The following BMERB1 variants were observed in gnomAD, a reference collection of about 807,000 sequenced individuals.
BMERB1 encodes the protein bMERB domain containing 1, also known as bMERB domain-containing protein 1.
Under a neutral mutation model 23.6 loss-of-function variants are expected in BMERB1, and 12 were observed. That is an observed-to-expected ratio of 0.51 (90% CI 0.33 to 0.82). The LOEUF is 0.82. Among genes scored for constraint, BMERB1 ranks in the 40% least tolerant of loss-of-function variants. The pLI is 0.03. For missense variants in BMERB1, 247 were observed against 255.4 expected (o/e 0.97, Z 0.22); for synonymous variants, 122 against 96.6 (o/e 1.26, Z -1.54).
chr16:15,513,954 TATATTCATATATGTATATACACACAC>T (rs1228057866), intron 1 of BMERB1, among the ~76,000 whole-genome samples: 1 of 152,148 alleles, frequency 6.6e-6, no homozygotes, highest in Non-Finnish European at 1.5e-5. Flanking sequence ...AAAAACCACA[TATATTCATATATGTATATACACACAC>T]ATATTTATAT....
intron 1 of BMERB1, among the ~76,000 whole-genome samples, chr16:15,495,996 G>A (rs2051468414): frequency 6.6e-6 from 1 of 151,772 alleles, no homozygotes; most frequent in Non-Finnish European, 1.5e-5. Flanking sequence ...TGATGTTGAT[G>A]GTGGTGGTGG....
chr16:15,583,254 A>T lies in BMERB1; in HGVS notation c.502+16A>T. 1 of 1,555,270 alleles carries T rather than the reference A, an allele frequency of 6.4e-7. No individual in the cohort carries two copies. The highest frequency in any genetic ancestry group is 8.9e-7 in the Non-Finnish European group (1 of 1,126,684). On this transcript the variant is annotated intron_variant, in intron 5 of 5. Coordinates refer to ENST00000300006, the MANE Select transcript of BMERB1 (RefSeq NM_033201.3). ...TCTCCAGCCAGTGAGTATATACATT[A>T]TTCATTCCCCTCCCCCACAAAAGAG...
chr16:15,514,365 G>A (rs2051718279), intron 1 of BMERB1, among the ~76,000 whole-genome samples: 1 of 152,158 alleles, frequency 6.6e-6, no homozygotes, highest in Non-Finnish European at 1.5e-5. Context: ...GCTGGTCTTA[G>A]AGGCTTAGAC....
At chr16:15,488,220 T>C (rs2150937969) in intron 1 of BMERB1, among the ~76,000 whole-genome samples, 1 of 152,324 alleles carries the variant, frequency 6.6e-6, no homozygotes, top group South Asian at 2.1e-4. Flanking sequence ...TGTGTTCTAA[T>C]AAAGCTTTAT....
chr16:15,503,489 G>A (rs1295540238), intron 1 of BMERB1, among the ~76,000 whole-genome samples: 3 of 148,894 alleles, frequency 2.0e-5, no homozygotes, highest in Non-Finnish European at 3.0e-5. Context: ...TAGTAGAGAC[G>A]GCGTTTCACC....
chr16:15,489,697 G>T (rs923747110), intron 1 of BMERB1, among the ~76,000 whole-genome samples: 1 of 152,092 alleles, frequency 6.6e-6, no homozygotes, highest in Non-Finnish European at 1.5e-5. Flanking sequence ...ATGACTCATG[G>T]TGGAGTTTTC....
At chr16:15,456,870 G>A (rs1271991352) in intron 1 of BMERB1, among the ~76,000 whole-genome samples, 3 of 152,024 alleles carry the variant, frequency 2.0e-5, no homozygotes, top group Non-Finnish European at 4.4e-5. Flanking sequence ...CTTTCGCCCA[G>A]GTTGGAGTGC....
intron 5 of BMERB1, among the ~76,000 whole-genome samples, chr16:15,583,633 C>A (rs778862282): frequency 6.7e-6 from 1 of 148,952 alleles, no homozygotes; most frequent in Non-Finnish European, 1.5e-5. Flanking sequence ...CCATAAGGGG[C>A]GCAACAAAAT....
At chr16:15,473,704 A>G (rs1273731113) in intron 1 of BMERB1, among the ~76,000 whole-genome samples, 1 of 152,220 alleles carries the variant, frequency 6.6e-6, no homozygotes, top group Non-Finnish European at 1.5e-5. Flanking sequence ...TTTGCCAGAT[A>G]TAGAATTCAC....
intron 2 of BMERB1, among the ~76,000 whole-genome samples, chr16:15,524,270 G>A (rs1419102888): frequency 6.6e-6 from 1 of 152,116 alleles, no homozygotes; most frequent in Non-Finnish European, 1.5e-5. Context: ...GAAGATCTAA[G>A]AAGCAGTTTG....
chr16:15,547,307 C>T (rs538014828), intron 2 of BMERB1, among the ~76,000 whole-genome samples: 1 of 150,874 alleles, frequency 6.6e-6, no homozygotes, highest in Admixed American at 6.6e-5. Flanking sequence ...AGCCACCATG[C>T]CCAGTAGGCT....
In BMERB1 at chr16:15,515,435, G is replaced by A. The variant is rs1598486597; in HGVS notation, c.230+7G>A. ...AGTCTGAGCTCAGGTTCATGTGAGT[G>A]TTTTGGGGATGTGGCCAAGGAAAGA... On this transcript the variant is annotated splice_region_variant and intron_variant, in intron 2 of 5. Coordinates refer to ENST00000300006, the MANE Select transcript of BMERB1 (RefSeq NM_033201.3). 1 of 1,612,278 alleles carries A rather than the reference G, an allele frequency of 6.2e-7. No individual in the cohort carries two copies. The highest frequency in any genetic ancestry group is 1.1e-5 in the South Asian group (1 of 90,902).
At position 15,478,340 on chromosome 16, in the gene BMERB1, T is replaced by C. The variant is rs1356279953; in HGVS notation, c.107-36965T>C. On this transcript the variant is annotated intron_variant, in intron 1 of 5. Coordinates refer to ENST00000300006, the MANE Select transcript of BMERB1 (RefSeq NM_033201.3). The stretch of plus-strand genomic sequence containing the variant: ...CATGCCCAGCTAATTTTTGTATTTT[T>C]AGTAGAGACAGGGTTTCACCATGTT... Among the ~76,000 whole-genome samples, 5 of 152,194 alleles carry C rather than the reference T, an allele frequency of 3.3e-5. No homozygotes were observed. In the East Asian group the frequency reaches 9.7e-4, roughly 29 times the overall value.
At chr16:15,473,332 C>G (rs1312322110) in intron 1 of BMERB1, among the ~76,000 whole-genome samples, 3 of 149,026 alleles carry the variant, frequency 2.0e-5, no homozygotes, top group Non-Finnish European at 4.4e-5. Context: ...GTTGCCCAGG[C>G]TGGAGTGGAG....
At chr16:15,454,187 G>A (rs1444581523) in intron 1 of BMERB1, among the ~76,000 whole-genome samples, 2 of 152,200 alleles carry the variant, frequency 1.3e-5, no homozygotes, top group African/African-American at 4.8e-5. Context: ...AGAAGTGGAA[G>A]ATTAAGAGAA....
At chr16:15,576,211 TTTTG>T (rs1349278881) in intron 3 of BMERB1, among the ~76,000 whole-genome samples, 9 of 151,784 alleles carry the variant, frequency 5.9e-5, no homozygotes, top group African/African-American at 1.9e-4. Flanking sequence ...GCCCGGCAAA[TTTTG>T]TTTTTGTATT....
intron 3 of BMERB1, among the ~76,000 whole-genome samples, chr16:15,569,519 C>T (rs2030669984): frequency 6.6e-6 from 1 of 152,154 alleles, no homozygotes; most frequent in African/African-American, 2.4e-5. Flanking sequence ...CCATCATGAT[C>T]CAATCACCTC....
chr16:15,555,860 G>A (rs1369268341), intron 2 of BMERB1, among the ~76,000 whole-genome samples: 1 of 151,870 alleles, frequency 6.6e-6, no homozygotes. Context: ...TATCATCTTG[G>A]AACCATTTGA....
chr16:15,577,763 C>A (rs1053066851), intron 3 of BMERB1, among the ~76,000 whole-genome samples: 1 of 152,244 alleles, frequency 6.6e-6, no homozygotes, highest in African/African-American at 2.4e-5. Flanking sequence ...AGGCTGCAAA[C>A]ACAGTGTATT....
Sources: allele counts gnomAD v4.1 joint callset (sites outside exome capture counted in the v4.1 genomes callset), GRCh38; gene constraint gnomAD v4.1.1; transcripts MANE v1.5; gene names NCBI Gene and HGNC (gene_info 2026-07-23, HGNC 2026-07-21).